DNAH5: variants seen among roughly 807,000 people sequenced by gnomAD.
The protein encoded by DNAH5 is dynein axonemal heavy chain 5, also known as axonemal beta dynein heavy chain 5.
In DNAH5, 372 loss-of-function variants were observed where a neutral mutation model predicts 518.2. That is an observed-to-expected ratio of 0.72 (90% CI 0.66 to 0.78). DNAH5 has a LOEUF of 0.78. Among genes scored for constraint, DNAH5 ranks in the 30% least tolerant of loss-of-function variants. The pLI, the probability that DNAH5 is intolerant of heterozygous loss-of-function variation, is 0.00. For missense variants in DNAH5, 5,523 were observed against 5,687.0 expected, an observed-to-expected ratio of 0.97 and a Z score of 0.93; for synonymous variants, 2,039 against 2,025.9, an observed-to-expected ratio of 1.01 and a Z score of -0.17.
At position 13,792,144 on chromosome 5, in the gene DNAH5, C is replaced by A. The variant is rs770788944; in HGVS notation, c.8298G>T (p.Leu2766Phe). The change falls in exon 50 of 79, where the codon TTG (leucine) becomes TTT (phenylalanine). Residue 2766 changes from leucine (L) to phenylalanine (F), a missense_variant. By Grantham distance (22) the Leu-to-Phe change is conservative. This residue lies in a region of DNAH5 where 5,121 missense variants were observed against 5,223.3 expected (regional missense o/e 0.98). Coordinates refer to ENST00000265104, the MANE Select transcript of DNAH5 (RefSeq NM_001369.3). ...GCCATAGTCGGCGTGTCAGAGGCAC[C>A]AATTTTGTCACAGAATCTCTCACTT... is the stretch of plus-strand genomic sequence containing the variant. ...SEEVRDSVTK[L>F]VPLTRRLWQM... The A allele has an allele frequency of 1.9e-6, 3 of 1,613,836 alleles. No homozygotes were observed. Among genetic ancestry groups the A allele is most frequent in the African/African-American group, 1.3e-5 (1 of 74,880 alleles).
At chr5:13,918,411 G>C (rs1446401486) in intron 7 of DNAH5, among the ~76,000 whole-genome samples, 4 of 152,186 alleles carry the variant, frequency 2.6e-5, no homozygotes, top group African/African-American at 9.6e-5. Flanking sequence ...GAGGCACCCA[G>C]CTAAGCTGCA....
At chr5:13,935,710 C>T (rs964826461) in intron 1 of DNAH5, among the ~76,000 whole-genome samples, 1 of 152,172 alleles carries the variant, frequency 6.6e-6, no homozygotes, top group African/African-American at 2.4e-5. Flanking sequence ...GAACAGTGCA[C>T]TGTCAATCCG....
At chr5:13,863,926 C>G (rs1768842636) in intron 28 of DNAH5, among the ~76,000 whole-genome samples, 1 of 152,214 alleles carries the variant, frequency 6.6e-6, no homozygotes, top group South Asian at 2.1e-4. Flanking sequence ...CTCAAACACA[C>G]TTCAGATGCT....
chr5:13,849,228 CTGCATTCT>C lies in DNAH5; in HGVS notation c.5114+1416_5114+1423del, dbSNP rs374650020. Among the ~76,000 whole-genome samples, 551 of 152,350 alleles carry C rather than the reference CTGCATTCT, an allele frequency of 3.6e-3. 3 individuals carry two copies. The highest frequency in any genetic ancestry group is 0.013 in the African/African-American group (527 of 41,574). On this transcript the variant is annotated intron_variant, in intron 31 of 78. Transcript: ENST00000265104. ...ACCAGCAGTGCAGACTCCCTGTCCTCTGCATTCTTGTCAGGGTTTACATCTCTCACGTT... is the reference window on the plus strand; with the variant it reads ...ACCAGCAGTGCAGACTCCCTGTCCTCTGTCAGGGTTTACATCTCTCACGTT...
At chr5:13,882,343 T>C (rs540835440) in intron 21 of DNAH5, among the ~76,000 whole-genome samples, 2 of 146,168 alleles carry the variant, frequency 1.4e-5, no homozygotes, top group South Asian at 4.4e-4. Context: ...GCTAGACACA[T>C]ACACTACAAT....
At chr5:13,713,267 A>G (rs1401887883) in intron 75 of DNAH5, among the ~76,000 whole-genome samples, 1 of 147,466 alleles carries the variant, frequency 6.8e-6, no homozygotes, top group African/African-American at 2.5e-5. Flanking sequence ...CGACATATAT[A>G]TACCGACATA....
At chr5:13,953,923 G>T (rs962420893) in intron 1 of DNAH5, among the ~76,000 whole-genome samples, 1 of 152,102 alleles carries the variant, frequency 6.6e-6, no homozygotes, top group Admixed American at 6.6e-5. Flanking sequence ...GGTCAGGCTG[G>T]TCTTGAACTC....
chr5:13,701,188 A>C (rs548409392), intron 77 of DNAH5, 96 bp downstream of exon 77: 15 of 1,540,716 alleles, frequency 9.7e-6, no homozygotes, highest in Middle Eastern at 1.7e-4. Flanking sequence ...AGAGACAGTC[A>C]TTCTCTGTCT....
At chr5:13,977,977 C>T (rs958714164) in intron 1 of DNAH5, among the ~76,000 whole-genome samples, 2 of 152,196 alleles carry the variant, frequency 1.3e-5, no homozygotes, top group Admixed American at 6.5e-5. Context: ...GGCCTGACTC[C>T]TGTGGGAAAA....
chr5:13,827,774 G>A (rs4314393), intron 38 of DNAH5, among the ~76,000 whole-genome samples: 60,199 of 151,466 alleles, frequency 0.4, 12,182 homozygotes, highest in East Asian at 0.61. Flanking sequence ...ACATGTCACT[G>A]GAGGATCCCA....
chr5:13,940,769 A>C (rs1259789023), intron 1 of DNAH5, among the ~76,000 whole-genome samples: 1 of 152,128 alleles, frequency 6.6e-6, no homozygotes, highest in Non-Finnish European at 1.5e-5. Flanking sequence ...CAAGGACATA[A>C]ATTTTGGGAT....
At chr5:14,010,927 T>G (rs547437333) in intron 1 of DNAH5, among the ~76,000 whole-genome samples, 1 of 151,406 alleles carries the variant, frequency 6.6e-6, no homozygotes, top group East Asian at 1.9e-4. Flanking sequence ...TATATATGAA[T>G]GCAATCGTCC....
At chr5:13,842,886 A>C (rs1765481607) in intron 32 of DNAH5, among the ~76,000 whole-genome samples, 1 of 152,220 alleles carries the variant, frequency 6.6e-6, no homozygotes, top group South Asian at 2.1e-4. Context: ...GCTGCTAAGA[A>C]CAAAGGCTAA....
chr5:13,704,107 G>A (rs998337609), intron 76 of DNAH5, among the ~76,000 whole-genome samples: 2 of 152,228 alleles, frequency 1.3e-5, no homozygotes, highest in South Asian at 2.1e-4. Flanking sequence ...GCATAAGGAA[G>A]TAGGGTGCAG....
Position 13,985,598 on chromosome 5 carries a change from A to C in DNAH5, c.12+26050T>G, listed in dbSNP as rs572596545. On this transcript the variant is annotated intron_variant, in intron 1 of 78. Transcript: ENST00000681290. Reference sequence around the variant, plus strand: ...CTAACCAGCAGAACTGTTAGATAACAAATGTGTGTTGTTTTAAGCCAACTA... The same window carrying C: ...CTAACCAGCAGAACTGTTAGATAACCAATGTGTGTTGTTTTAAGCCAACTA... 1.2e-3 allele frequency among the ~76,000 whole-genome samples: 175 copies of C among 152,170 alleles called. 1 individual carries two copies. Among genetic ancestry groups the C allele is most frequent in the African/African-American group, 4.0e-3 (165 of 41,534 alleles).
intron 40 of DNAH5, among the ~76,000 whole-genome samples, chr5:13,822,204 A>G (rs956310103): frequency 2.0e-5 from 3 of 152,098 alleles, no homozygotes; most frequent in African/African-American, 7.2e-5. Flanking sequence ...TTTAAAGCAA[A>G]ATATAAACTA....
chr5:13,890,874 C>A, intron 17 of DNAH5, 102 bp downstream of exon 17: 1 of 1,317,340 alleles, frequency 7.6e-7, no homozygotes, highest in Non-Finnish European at 1.1e-6. Context: ...CAGAGCACTG[C>A]AAGTAGAGAA....
intron 7 of DNAH5, 47 bp from the exon 8 acceptor site, chr5:13,917,303 G>A: frequency 7.1e-7 from 1 of 1,414,954 alleles, no homozygotes; most frequent in Non-Finnish European, 9.9e-7. Flanking sequence ...ATTAATAGAG[G>A]AACTTCCAAC....
At chr5:13,940,163 G>A (rs896696242) in intron 1 of DNAH5, among the ~76,000 whole-genome samples, 8 of 151,820 alleles carry the variant, frequency 5.3e-5, no homozygotes, top group African/African-American at 9.7e-5. Context: ...GGCATATCCC[G>A]GTGTCCACAG....
Sources: gnomAD v4.1 joint callset for allele counts (sites outside exome capture counted in the v4.1 genomes callset) on GRCh38, gnomAD v4.1.1 for gene constraint, gnomAD v4.1.1 regional missense constraint, MANE v1.5 for transcripts, NCBI Gene and HGNC (gene_info 2026-07-23, HGNC 2026-07-21) for gene names.